The following CRPPA variants were observed in gnomAD, a reference collection of about 807,000 sequenced individuals.
The protein encoded by CRPPA is D-ribitol-5-phosphate cytidylyltransferase.
In CRPPA, 43 loss-of-function variants were observed where a neutral mutation model predicts 52.0. That is an observed-to-expected ratio of 0.83 (90% confidence interval 0.65 to 1.07). The LOEUF is 1.07. Ranked by LOEUF, CRPPA falls within the 50% of genes least tolerant of loss-of-function variation. The pLI is 0.00. For synonymous variants in CRPPA, 250 were observed against 203.5 expected (o/e 1.23, Z -1.94); for missense variants, 629 against 551.7 (o/e 1.14, Z -1.40).
intron 9 of CRPPA, among the ~76,000 whole-genome samples, chr7:16,130,766 T>C (rs1296645628): frequency 6.6e-6 from 1 of 152,222 alleles, no homozygotes; most frequent in Non-Finnish European, 1.5e-5. Context: ...ATGATGAAGT[T>C]TCCTTCTGTA....
chr7:16,192,907 T>C (rs1302679103), intron 9 of CRPPA, among the ~76,000 whole-genome samples: 1 of 152,164 alleles, frequency 6.6e-6, no homozygotes, highest in Non-Finnish European at 1.5e-5. Flanking sequence ...ACTATTTTAA[T>C]TCCTCTACTT....
At chr7:16,401,138 C>G (rs1787807693) in intron 2 of CRPPA, among the ~76,000 whole-genome samples, 1 of 152,202 alleles carries the variant, frequency 6.6e-6, no homozygotes, top group African/African-American at 2.4e-5. Context: ...AATCACATTA[C>G]TTCATCTTTC....
intron 9 of CRPPA, among the ~76,000 whole-genome samples, chr7:16,137,877 G>A (rs537452885): frequency 6.6e-5 from 10 of 152,166 alleles, no homozygotes; most frequent in African/African-American, 2.4e-4. Context: ...AAACCATGAT[G>A]AATTGTACAA....
At chr7:16,367,391 T>C (rs1786628791) in intron 3 of CRPPA, among the ~76,000 whole-genome samples, 1 of 152,150 alleles carries the variant, frequency 6.6e-6, no homozygotes, top group Admixed American at 6.6e-5. Context: ...CTGTAAAAAC[T>C]GAAATAAAAC....
intron 9 of CRPPA, among the ~76,000 whole-genome samples, chr7:16,199,854 CTTTTTT>C (rs68003825): frequency 2.5e-5 from 3 of 120,114 alleles, no homozygotes; most frequent in Admixed American, 8.6e-5. Context: ...TAAGCTTTTT[CTTTTTT>C]TTTTTTTTTT....
chr7:16,272,325 G>A (rs1784109075), intron 6 of CRPPA, among the ~76,000 whole-genome samples: 2 of 152,088 alleles, frequency 1.3e-5, no homozygotes, highest in Admixed American at 6.5e-5. Context: ...TAGATGTTTG[G>A]TTCACCTGTA....
chr7:16,301,498 C>T, intron 4 of CRPPA, 32 bp from the exon 5 acceptor site: 1 of 1,554,042 alleles, frequency 6.4e-7, no homozygotes, highest in African/African-American at 1.4e-5. Context: ...TTAGACTTAA[C>T]AGAGCAGGAA....
At chr7:16,204,474 G>A in intron 9 of CRPPA, among the ~76,000 whole-genome samples, 1 of 152,068 alleles carries the variant, frequency 6.6e-6, no homozygotes, top group East Asian at 1.9e-4. Context: ...TTGGAAGCAG[G>A]GAAGTGGGGT....
intron 5 of CRPPA, among the ~76,000 whole-genome samples, chr7:16,289,378 CA>C (rs1784515170): frequency 6.6e-6 from 1 of 151,962 alleles, no homozygotes; most frequent in Non-Finnish European, 1.5e-5. Flanking sequence ...ACCCTGATAC[CA>C]AAACCAGACA....
intron 2 of CRPPA, among the ~76,000 whole-genome samples, chr7:16,384,131 C>T (rs1054495624): frequency 1.1e-4 from 17 of 152,120 alleles, no homozygotes; most frequent in African/African-American, 3.9e-4. Flanking sequence ...CCTATTCAGC[C>T]ATCTTGGCTG....
chr7:16,350,849 T>C (rs1786133054), intron 3 of CRPPA, among the ~76,000 whole-genome samples: 1 of 152,152 alleles, frequency 6.6e-6, no homozygotes, highest in Non-Finnish European at 1.5e-5. Context: ...CTATATGCTA[T>C]GAGAGACTCA....
chr7:16,371,948 C>T (rs10249467), intron 3 of CRPPA, among the ~76,000 whole-genome samples: 23 of 151,408 alleles, frequency 1.5e-4, no homozygotes, highest in East Asian at 3.9e-4. Flanking sequence ...GACTAGAAGA[C>T]GCAGAAGAAA....
intron 9 of CRPPA, among the ~76,000 whole-genome samples, chr7:16,093,708 G>T (rs183254424): frequency 3.4e-4 from 52 of 152,186 alleles, no homozygotes; most frequent in African/African-American, 1.2e-3. Context: ...AAATATGATT[G>T]ATTTATATGA....
At chr7:16,252,273 A>T (rs1422815438) in intron 8 of CRPPA, among the ~76,000 whole-genome samples, 1 of 152,224 alleles carries the variant, frequency 6.6e-6, no homozygotes, top group African/African-American at 2.4e-5. Flanking sequence ...AATGTAACCC[A>T]TCACATAAAC....
intron 9 of CRPPA, among the ~76,000 whole-genome samples, chr7:16,199,920 C>T (rs10243630): frequency 0.038 from 5,367 of 141,068 alleles, 318 homozygotes; most frequent in African/African-American, 0.13. Flanking sequence ...TGCAATGGTG[C>T]GATCTCAGCT....
At chr7:16,189,368 A>C (rs2128389991) in intron 9 of CRPPA, among the ~76,000 whole-genome samples, 1 of 152,306 alleles carries the variant, frequency 6.6e-6, no homozygotes, top group Middle Eastern at 3.4e-3. Flanking sequence ...AGAGCTAAAA[A>C]GTACACAAGA....
intron 9 of CRPPA, among the ~76,000 whole-genome samples, chr7:16,203,636 G>A (rs999786871): frequency 6.6e-6 from 1 of 152,142 alleles, no homozygotes; most frequent in Non-Finnish European, 1.5e-5. Context: ...AGACTGATGA[G>A]AGAGGAAATT....
At chr7:16,273,969 G>A (rs1335984763) in intron 6 of CRPPA, among the ~76,000 whole-genome samples, 4 of 152,180 alleles carry the variant, frequency 2.6e-5, no homozygotes, top group Non-Finnish European at 4.4e-5. Flanking sequence ...CCAGTCCTGC[G>A]AAGGGGCCAG....
intron 9 of CRPPA, among the ~76,000 whole-genome samples, chr7:16,144,829 A>G (rs1428372424): frequency 1.6e-4 from 25 of 152,192 alleles, no homozygotes; most frequent in Non-Finnish European, 1.5e-5. Context: ...AGAGCTAAGC[A>G]GTGTGGTCCT....
Sources: gnomAD v4.1 joint callset for allele counts (sites outside exome capture counted in the v4.1 genomes callset) on GRCh38, gnomAD v4.1.1 for gene constraint, MANE v1.5 for transcripts, NCBI Gene and HGNC (gene_info 2026-07-23, HGNC 2026-07-21) for gene names.